FAM135A: variants seen among roughly 807,000 people sequenced by gnomAD.
The protein encoded by FAM135A is protein FAM135A.
FAM135A carries 79 observed loss-of-function variants against 146.8 expected under a neutral mutation model. The observed-to-expected ratio is 0.54, with a 90% CI of 0.45 to 0.65. The LOEUF (loss-of-function observed/expected upper bound fraction) is 0.65. Among genes scored for constraint, FAM135A ranks in the 30% least tolerant of loss-of-function variants. The pLI is 0.00. For synonymous variants in FAM135A, 562 were observed against 603.6 expected (o/e 0.93, Z 1.01); for missense variants, 1,623 against 1,758.2 (o/e 0.92, Z 1.38).
chr6:70,490,957 GT>G (rs1251951349), intron 10 of FAM135A, 76 bp from the exon 11 acceptor site: 2 of 1,100,814 alleles, frequency 1.8e-6, no homozygotes, highest in Non-Finnish European at 2.5e-6. Flanking sequence ...TTAATTTTCA[GT>G]TTTTTATGGG....
intron 9 of FAM135A, 128 bp from the exon 10 acceptor site, chr6:70,481,872 CA>C (rs1783767620): frequency 1.2e-6 from 1 of 864,560 alleles, no homozygotes; most frequent in Non-Finnish European, 1.7e-6. Flanking sequence ...AATATTACCA[CA>C]TTTTTTATAT....
chr6:70,528,835 T>G, intron 16 of FAM135A, among the ~76,000 whole-genome samples: 1 of 144,900 alleles, frequency 6.9e-6, no homozygotes, highest in Non-Finnish European at 1.5e-5. Flanking sequence ...ATCCCTCCCC[T>G]AGTCCCCCAC....
intron 5 of FAM135A, among the ~76,000 whole-genome samples, chr6:70,471,494 G>A (rs1582368469): frequency 6.6e-6 from 1 of 152,108 alleles, no homozygotes; most frequent in Admixed American, 6.6e-5. Flanking sequence ...TCTCACTTAT[G>A]AGTGGGAGCT....
intron 12 of FAM135A, chr6:70,503,116 C>T (rs1451778511): frequency 6.1e-6 from 1 of 164,418 alleles, no homozygotes; most frequent in Non-Finnish European, 1.3e-5. Flanking sequence ...GAATCAGGAA[C>T]TAGAGAGCTG....
At chr6:70,499,528 A>G (rs1211561353) in intron 11 of FAM135A, among the ~76,000 whole-genome samples, 1 of 152,136 alleles carries the variant, frequency 6.6e-6, no homozygotes, top group African/African-American at 2.4e-5. Flanking sequence ...TCATCATGAT[A>G]CTAGCTGGTT....
At chr6:70,448,194 G>A (rs112671895) in intron 4 of FAM135A, among the ~76,000 whole-genome samples, 3,216 of 152,204 alleles carry the variant, frequency 0.021, 108 homozygotes, top group African/African-American at 0.074. Context: ...GGAAAGATCT[G>A]GAGGGTCAGG....
At position 70,428,451 on chromosome 6, in the gene FAM135A, T is replaced by C. The variant is rs368493109; in HGVS notation, c.77+32T>C. ...ATTTTATTGTGAAAATGATATATTT[T>C]GCATAAGATGTACAGTTTAAATTTA... On this transcript the variant is annotated intron_variant, in intron 4 of 21. Coordinates refer to ENST00000418814, the MANE Select transcript of FAM135A (RefSeq NM_001162529.3). 5.1e-5 allele frequency: 76 copies of C among 1,477,528 alleles called. No individual in the cohort carries two copies. In the Middle Eastern group the frequency reaches 2.6e-3, roughly 50 times the overall value. The allele number at this position is 1,477,528 out of a possible 1,614,324, so 91.5% of individuals were successfully genotyped here. A position where few individuals can be genotyped will look rare whatever the true frequency, so the allele number is the denominator to read the frequency against.
chr6:70,528,196 T>C (rs1795097510), intron 15 of FAM135A, 96 bp from the exon 16 acceptor site: 2 of 1,188,540 alleles, frequency 1.7e-6, no homozygotes, highest in Non-Finnish European at 2.3e-6. Context: ...AACCAAATAT[T>C]GTTGGGTTTC....
At chr6:70,545,153 A>C (rs944378770) in intron 20 of FAM135A, among the ~76,000 whole-genome samples, 1 of 152,088 alleles carries the variant, frequency 6.6e-6, no homozygotes, top group Non-Finnish European at 1.5e-5. Flanking sequence ...TCTTAGGAAA[A>C]TTTTTTTAAC....
chr6:70,497,181 A>G (rs1787478222), intron 11 of FAM135A, among the ~76,000 whole-genome samples: 1 of 152,082 alleles, frequency 6.6e-6, no homozygotes, highest in Non-Finnish European at 1.5e-5. Context: ...TTCCTTGAGC[A>G]GTGGTTTGTA....
At chr6:70,526,818 C>T (rs908135987) in intron 15 of FAM135A, 120 bp downstream of exon 15, 1 of 853,758 alleles carries the variant, frequency 1.2e-6, no homozygotes, top group African/African-American at 1.8e-5. Flanking sequence ...TATATAAAAT[C>T]ATAGATAGTG....
chr6:70,486,496 A>T (rs1261691375), intron 10 of FAM135A, among the ~76,000 whole-genome samples: 1 of 152,192 alleles, frequency 6.6e-6, no homozygotes, highest in Non-Finnish European at 1.5e-5. Flanking sequence ...CTTTTTTCAT[A>T]TGTTTTTTAA....
chr6:70,482,242 T>A, intron 10 of FAM135A, 88 bp downstream of exon 10: 4 of 1,337,848 alleles, frequency 3.0e-6, no homozygotes, highest in Non-Finnish European at 4.0e-6. Context: ...CCATAGTTTT[T>A]CTATACTAAA....
Position 70,477,219 on chromosome 6 carries a change from C to T in FAM135A, c.429C>T (p.Ser143=), listed in dbSNP as rs1030128881. ...ISSRTLKLHF[S]PHRGLHHHVN... ...GCCGAACATTGAAGCTGCACTTTAG[C>T]CCCCATAGAGGCCTTCATCATCATG... Residue 143 remains serine (S), a synonymous_variant, in exon 8 of 22, where the codon AGC becomes AGT. Transcript: ENST00000418814. 4 of 1,613,464 alleles carry T rather than the reference C, an allele frequency of 2.5e-6. No homozygotes were observed. The African/African-American group carries it at 5.3e-5, about 22-fold the overall frequency.
At chr6:70,500,997 G>C (rs1202887311) in intron 11 of FAM135A, among the ~76,000 whole-genome samples, 1 of 152,202 alleles carries the variant, frequency 6.6e-6, no homozygotes, top group African/African-American at 2.4e-5. Flanking sequence ...TCCCTTAGCA[G>C]AGCTGGTGCA....
chr6:70,553,981 T>G (rs1430871438), intron 20 of FAM135A, among the ~76,000 whole-genome samples: 1 of 152,056 alleles, frequency 6.6e-6, no homozygotes, highest in African/African-American at 2.4e-5. Flanking sequence ...AATAAAGAAT[T>G]TAAGAAAGAT....
intron 4 of FAM135A, among the ~76,000 whole-genome samples, chr6:70,435,727 G>A (rs916380694): frequency 6.6e-6 from 1 of 152,108 alleles, no homozygotes; most frequent in African/African-American, 2.4e-5. Flanking sequence ...TTTTGTTTAT[G>A]ATTCTGAGGT....
chr6:70,551,119 G>A (rs1008957074), intron 20 of FAM135A, among the ~76,000 whole-genome samples: 4 of 152,174 alleles, frequency 2.6e-5, no homozygotes, highest in Non-Finnish European at 5.9e-5. Flanking sequence ...AACCTTCTCC[G>A]CATCAGCAAT....
intron 20 of FAM135A, among the ~76,000 whole-genome samples, chr6:70,551,246 C>A (rs2128484717): frequency 6.6e-6 from 1 of 152,336 alleles, no homozygotes; most frequent in Non-Finnish European, 1.5e-5. Context: ...AAGAAGCCTG[C>A]TTTTCAGCGT....
Sources: allele counts gnomAD v4.1 joint callset (sites outside exome capture counted in the v4.1 genomes callset), GRCh38; gene constraint gnomAD v4.1.1; transcripts MANE v1.5; gene names NCBI Gene and HGNC (gene_info 2026-07-23, HGNC 2026-07-21).